Variants in OSBPL10 observed in about 807,000 individuals in gnomAD.
OSBPL10 encodes the protein oxysterol-binding protein-related protein 10.
OSBPL10 carries 49 observed loss-of-function variants against 81.7 expected under a neutral mutation model. That is an observed-to-expected ratio of 0.60 (90% CI 0.48 to 0.76). The LOEUF is 0.76. Ranked by LOEUF, OSBPL10 falls within the 30% of genes least tolerant of loss-of-function variation. OSBPL10 has a pLI of 0.00. For synonymous variants in OSBPL10, 419 were observed against 383.6 expected (o/e 1.09, Z -1.08); for missense variants, 923 against 987.8 (o/e 0.93, Z 0.88).
intron 8 of OSBPL10, among the ~76,000 whole-genome samples, chr3:31,678,325 T>C (rs995559954): frequency 1.3e-4 from 20 of 152,042 alleles, no homozygotes; most frequent in Admixed American, 2.6e-4. Flanking sequence ...AAGATGATGA[T>C]GAACATGCTG....
chr3:31,947,989 T>A (rs902612135), intron 1 of OSBPL10, among the ~76,000 whole-genome samples: 1 of 152,214 alleles, frequency 6.6e-6, no homozygotes, highest in South Asian at 2.1e-4. Flanking sequence ...AATCGTTGAC[T>A]TCACTAAGTG....
chr3:31,899,457 C>T (rs180699580), intron 1 of OSBPL10, among the ~76,000 whole-genome samples: 1 of 152,220 alleles, frequency 6.6e-6, no homozygotes, highest in East Asian at 1.9e-4. Context: ...GTTACAATGG[C>T]ACAAACATGT....
At chr3:31,666,793 T>A (rs1700201025) in intron 10 of OSBPL10, among the ~76,000 whole-genome samples, 1 of 152,232 alleles carries the variant, frequency 6.6e-6, no homozygotes, top group Admixed American at 6.5e-5. Flanking sequence ...AGAACAATTA[T>A]AACAATATAC....
chr3:31,719,842 T>C (rs985911684), intron 6 of OSBPL10, among the ~76,000 whole-genome samples: 1 of 151,986 alleles, frequency 6.6e-6, no homozygotes, highest in Non-Finnish European at 1.5e-5. Context: ...ATAAATTCCT[T>C]GTTAAATAAA....
Position 31,664,243 on chromosome 3 carries a change from G to C in OSBPL10, c.2097-11C>G. On this transcript the variant is annotated splice_polypyrimidine_tract_variant and intron_variant, in intron 10 of 11. Coordinates refer to ENST00000396556, the MANE Select transcript of OSBPL10 (RefSeq NM_017784.5). ...TCCCGCCAGAGGTTCCTGGGGATGC[G>C]TGGAGGAGAGGAAACAATCAGCCAG... 1 of 1,611,192 alleles carries C rather than the reference G, an allele frequency of 6.2e-7. No homozygotes were observed. Among genetic ancestry groups the C allele is most frequent in the South Asian group, 1.1e-5 (1 of 90,950 alleles).
intron 1 of OSBPL10, among the ~76,000 whole-genome samples, chr3:31,933,915 T>A (rs371318614): frequency 2.0e-5 from 3 of 151,994 alleles, no homozygotes; most frequent in African/African-American, 7.2e-5. Context: ...CAGAAAAAAG[T>A]GTTAAGTGCT....
intron 2 of OSBPL10, among the ~76,000 whole-genome samples, chr3:32,009,043 A>G (rs1304570848): frequency 6.6e-6 from 1 of 152,216 alleles, no homozygotes; most frequent in Admixed American, 6.5e-5. Context: ...GTACTTTTCT[A>G]TACTGTTTAT....
At chr3:31,947,875 GA>G (rs1240260071) in intron 1 of OSBPL10, among the ~76,000 whole-genome samples, 1 of 151,166 alleles carries the variant, frequency 6.6e-6, no homozygotes, top group Non-Finnish European at 1.5e-5. Context: ...AACTGCATAG[GA>G]GTTGAGATAA....
At chr3:31,748,541 T>C (rs1263385377) in intron 4 of OSBPL10, among the ~76,000 whole-genome samples, 2 of 151,814 alleles carry the variant, frequency 1.3e-5, no homozygotes, top group East Asian at 3.9e-4. Flanking sequence ...AACTCTTTGC[T>C]AGTCCTGTTC....
At chr3:31,965,466 AAT>A (rs1163340673) in intron 1 of OSBPL10, among the ~76,000 whole-genome samples, 1 of 99,696 alleles carries the variant, frequency 1.0e-5, no homozygotes, top group Non-Finnish European at 1.9e-5. Flanking sequence ...TAATTTATAT[AAT>A]ATATATTATA....
intron 1 of OSBPL10, among the ~76,000 whole-genome samples, chr3:31,920,309 AAAG>A (rs1343244824): frequency 2.6e-5 from 4 of 152,200 alleles, no homozygotes; most frequent in African/African-American, 9.7e-5. Context: ...GCAAATTTGA[AAAG>A]AAGAATCATT....
intron 1 of OSBPL10, among the ~76,000 whole-genome samples, chr3:31,941,400 G>A (rs1407808208): frequency 6.6e-6 from 1 of 152,192 alleles, no homozygotes; most frequent in Admixed American, 6.5e-5. Context: ...TGATGGATAC[G>A]AAAGTGGTCA....
In OSBPL10 at chr3:31,818,970, T is replaced by TG. The variant is rs558593459; in HGVS notation, c.729+11069dup. On this transcript the variant is annotated intron_variant, in intron 4 of 11. Transcript: ENST00000396556. Reference sequence around the variant, plus strand: ...GACTTCTGAGACACTGCCGTGTTACTGGCAGGCACTTTCAGGCAAAATACA... The same window carrying TG: ...GACTTCTGAGACACTGCCGTGTTACTGGGCAGGCACTTTCAGGCAAAATACA... Among the ~76,000 whole-genome samples the TG allele has an allele frequency of 1.2e-3, 183 of 152,380 alleles. 1 individual carries two copies. The highest frequency in any genetic ancestry group is 4.0e-3 in the African/African-American group (166 of 41,592).
chr3:31,727,705 TTAAAA>T (rs1302198129), intron 6 of OSBPL10, among the ~76,000 whole-genome samples: 1 of 152,196 alleles, frequency 6.6e-6, no homozygotes, highest in African/African-American at 2.4e-5. Context: ...GATTGAAACT[TTAAAA>T]TAATTATTTA....
At chr3:31,722,730 A>T (rs1352026285) in intron 6 of OSBPL10, among the ~76,000 whole-genome samples, 2 of 152,184 alleles carry the variant, frequency 1.3e-5, no homozygotes, top group Non-Finnish European at 2.9e-5. Context: ...GAAAAAGAAG[A>T]TATTTGGAAT....
At chr3:31,741,996 TAAAC>T (rs1697368107) in intron 5 of OSBPL10, among the ~76,000 whole-genome samples, 1 of 152,246 alleles carries the variant, frequency 6.6e-6, no homozygotes, top group Non-Finnish European at 1.5e-5. Flanking sequence ...GTAAGTCCAA[TAAAC>T]CCCTTTCTTT....
chr3:31,778,073 G>A (rs1036408316), intron 4 of OSBPL10, among the ~76,000 whole-genome samples: 5 of 152,244 alleles, frequency 3.3e-5, no homozygotes, highest in Non-Finnish European at 5.9e-5. Flanking sequence ...ACAGTGGACA[G>A]TATGGGCAGA....
chr3:31,666,011 A>G (rs1320942032), intron 10 of OSBPL10, among the ~76,000 whole-genome samples: 2 of 152,146 alleles, frequency 1.3e-5, no homozygotes, highest in African/African-American at 4.8e-5. Flanking sequence ...AGCAGGGAGG[A>G]GAATGGAGTG....
At chr3:31,940,962 T>C (rs1368945359) in intron 1 of OSBPL10, among the ~76,000 whole-genome samples, 1 of 152,108 alleles carries the variant, frequency 6.6e-6, no homozygotes, top group Non-Finnish European at 1.5e-5. Flanking sequence ...AAAAAAGGCT[T>C]GTGCTTAACC....
Sources: allele counts gnomAD v4.1 joint callset (sites outside exome capture counted in the v4.1 genomes callset), GRCh38; gene constraint gnomAD v4.1.1; transcripts MANE v1.5; gene names NCBI Gene and HGNC (gene_info 2026-07-23, HGNC 2026-07-21).